TTN: variants seen among roughly 807,000 people sequenced by gnomAD.
TTN encodes the protein titin, also known as connectin.
Under a neutral mutation model 3,223.0 loss-of-function variants are expected in TTN, and 1,525 were observed. The ratio of observed to expected loss-of-function variants is 0.47; its 90% confidence interval spans 0.45 to 0.49. TTN has a LOEUF of 0.49. Ranked by LOEUF, TTN falls within the 20% of genes least tolerant of loss-of-function variation. The pLI is 0.00. For synonymous variants in TTN, 14,094 were observed against 15,161.0 expected (o/e 0.93, Z 5.17); for missense variants, 40,786 against 43,424.0 (o/e 0.94, Z 5.40).
At chr2:178,606,935 G>T in intron 278 of TTN, 86 bp downstream of exon 278, 1 of 1,442,936 alleles carries the variant, frequency 6.9e-7, no homozygotes, top group Non-Finnish European at 9.3e-7. Context: ...TGAGACTGTT[G>T]GGAGTTTGAA....
In TTN at chr2:178,728,327, A is replaced by G. The variant is rs1223390157; in HGVS notation, c.19497T>C (p.His6499=). ...KMDKVLGSSI[H]MECKVSGSLP... Reference sequence around the variant, plus strand: ...GTGAACCAGACACCTTGCACTCCATATGAATAGAAGAGCCCAGAACTTTAT... The same window carrying G: ...GTGAACCAGACACCTTGCACTCCATGTGAATAGAAGAGCCCAGAACTTTAT... The change falls in exon 67 of 363, where the codon CAT becomes CAC. Residue 6499 remains histidine, a synonymous_variant. Coordinates refer to ENST00000589042, the MANE Select transcript of TTN (RefSeq NM_001267550.2). 2.5e-6 allele frequency: 4 copies of G among 1,612,280 alleles called. No individual in the cohort carries two copies. Among genetic ancestry groups the G allele is most frequent in the Non-Finnish European group, 3.4e-6 (4 of 1,179,314 alleles).
Position 178,728,950 on chromosome 2 carries a change from G to A in TTN, c.19088C>T (p.Thr6363Ile), listed in dbSNP as rs148471999. Residue 6363 changes from threonine to isoleucine, a missense_variant, in exon 65 of 363, where the codon ACC (threonine) becomes ATC (isoleucine). Transcript: ENST00000589042. ...SVDNGHSGRYTCQAKNESGVE... is the reference protein window; with the variant it reads ...SVDNGHSGRYICQAKNESGVE... ...TCCTGACTCATTCTTGGCTTGACAGGTATATCTCCCACTGTGTCCATTATC... is the reference window on the plus strand; with the variant it reads ...TCCTGACTCATTCTTGGCTTGACAGATATATCTCCCACTGTGTCCATTATC... 1.2e-5 allele frequency: 19 copies of A among 1,612,704 alleles called. No individual in the cohort carries two copies. Among genetic ancestry groups the A allele is most frequent in the Non-Finnish European group, 1.4e-5 (17 of 1,179,378 alleles).
Position 178,734,696 on chromosome 2 carries a change from A to G in TTN, c.15217+11T>C. 1 of 1,597,200 alleles carries G rather than the reference A, an allele frequency of 6.3e-7. No homozygotes were observed. The highest frequency in any genetic ancestry group is 8.6e-7 in the Non-Finnish European group (1 of 1,169,316). ...TCAGAAAAATACTGGATGGAAACTC[A>G]GTAAACAAACCTTTGATAACTATTT... is the stretch of plus-strand genomic sequence containing the variant. On this transcript the variant is annotated intron_variant, in intron 51 of 362. Transcript: ENST00000589042.
At chr2:178,713,402 AC>A (rs2076964135) in intron 92 of TTN, 30 bp from the exon 93 acceptor site, 1 of 1,470,094 alleles carries the variant, frequency 6.8e-7, no homozygotes, top group Non-Finnish European at 9.0e-7. Flanking sequence ...ACAAAACAAA[AC>A]AAAACAAAAA....
At position 178,552,015 on chromosome 2, in the gene TTN, G is replaced by C; in HGVS notation, c.90885C>G (p.Tyr30295Ter). The C allele has an allele frequency of 6.2e-7, 1 of 1,613,040 alleles. No homozygotes were observed. The highest frequency in any genetic ancestry group is 8.5e-7 in the Non-Finnish European group (1 of 1,179,312). Residue 30295 changes from tyrosine (Y) to a stop codon, truncating the protein, a stop_gained, in exon 335 of 363, where the codon TAC (tyrosine) becomes TAG (stop). Transcript: ENST00000589042. LOFTEE classifies it high-confidence loss of function. ...KVPNLVKDAE[Y>*]QFRVRAENRY... Reference sequence around the variant, plus strand: ...TGTTTTCTGCTCTCACTCTAAACTGGTACTCAGCATCTTTGACTAGATTAG... The same window carrying C: ...TGTTTTCTGCTCTCACTCTAAACTGCTACTCAGCATCTTTGACTAGATTAG...
intron 150 of TTN, among the ~76,000 whole-genome samples, chr2:178,674,806 T>C (rs2067689143): frequency 6.6e-6 from 1 of 151,666 alleles, no homozygotes; most frequent in Non-Finnish European, 1.5e-5. Flanking sequence ...TTTCCCTTCA[T>C]GAATTCTAAT....
In TTN at chr2:178,581,887, C is replaced by T. The variant is rs1575923950; in HGVS notation, c.66463+19G>A. ...GCTGCTTTTAACACAGGATATGGAACTCGTTCATGAACACTTACACTGAGG... is the reference window on the plus strand; with the variant it reads ...GCTGCTTTTAACACAGGATATGGAATTCGTTCATGAACACTTACACTGAGG... On this transcript the variant is annotated intron_variant, in intron 315 of 362. Transcript: ENST00000589042. 6.2e-7 allele frequency: 1 copy of T among 1,611,336 alleles called. No homozygotes were observed. The highest frequency in any genetic ancestry group is 8.5e-7 in the Non-Finnish European group (1 of 1,178,982).
At chr2:178,730,021 T>TCCCCCCCCCCCCCC in intron 62 of TTN, 72 bp downstream of exon 62, 4 of 1,558,018 alleles carry the variant, frequency 2.6e-6, no homozygotes, top group Non-Finnish European at 3.5e-6. Context: ...GTCTTAAGCG[T>TCCCCCCCCCCCCCC]CCCCCGCCCC....
chr2:178,768,797 C>G lies in TTN; in HGVS notation c.9039G>C (p.Lys3013Asn). Reference sequence around the variant, plus strand: ...TGAGCTTTTTGGTTCTCATCTGGCACTTGTCAGTTGATTTGATTTCCACAC... The same window carrying G: ...TGAGCTTTTTGGTTCTCATCTGGCAGTTGTCAGTTGATTTGATTTCCACAC... ...KNGVEIKSTDKCQMRTKKLTH... is the reference protein window; with the variant it reads ...KNGVEIKSTDNCQMRTKKLTH... Residue 3013 changes from lysine to asparagine, a missense_variant, in exon 38 of 363, where the codon AAG (lysine) becomes AAC (asparagine). Coordinates refer to ENST00000589042, the MANE Select transcript of TTN (RefSeq NM_001267550.2). 1 of 1,614,042 alleles carries G rather than the reference C, an allele frequency of 6.2e-7. No individual in the cohort carries two copies. The highest frequency in any genetic ancestry group is 8.5e-7 in the Non-Finnish European group (1 of 1,179,988).
intron 263 of TTN, 52 bp from the exon 264 acceptor site, chr2:178,613,328 G>A: frequency 7.3e-7 from 1 of 1,363,136 alleles, no homozygotes; most frequent in Non-Finnish European, 1.0e-6. Flanking sequence ...AGCAGAAGAA[G>A]CCTATGTTTA....
Position 178,775,777 on chromosome 2 carries a change from T to G in TTN, c.6087A>C (p.Glu2029Asp), listed in dbSNP as rs778003583. Residue 2029 changes from glutamate (E) to aspartate (D), a missense_variant, in exon 28 of 363, where the codon GAA becomes GAC. Physicochemically the swap from Glu to Asp is conservative, Grantham distance 45. Coordinates refer to ENST00000589042, the MANE Select transcript of TTN (RefSeq NM_001267550.2). Reference protein sequence around the residue: ...KSRKKDESYEELLRKTKDELL... With the variant: ...KSRKKDESYEDLLRKTKDELL... ...GTTCATCTTTTGTCTTCCTGAGGAG[T>G]TCCTCATAGGATTCATCCTTCTTTC... 1 of 1,613,704 alleles carries G rather than the reference T, an allele frequency of 6.2e-7. No individual in the cohort carries two copies. The highest frequency in any genetic ancestry group is 2.2e-5 in the East Asian group (1 of 44,878).
chr2:178,746,647 TC>T (rs1560972418), intron 47 of TTN: 2 of 1,613,116 alleles, frequency 1.2e-6, no homozygotes, highest in Admixed American at 1.7e-5. Context: ...ACATGTACTC[TC>T]CCCCTTCTCC....
In TTN at chr2:178,570,280, T is replaced by C. The variant is rs1707685345; in HGVS notation, c.75852A>G (p.Lys25284=). 6.2e-7 allele frequency: 1 copy of C among 1,613,272 alleles called. No homozygotes were observed. The highest frequency in any genetic ancestry group is 8.5e-7 in the Non-Finnish European group (1 of 1,179,630). ...EYTFRIMAVN[K]YGVGEPLESE... ...ATTCAAGAGGTTCACCAACACCATA[T>C]TTGTTTACTGCCATTATACGGAAAG... Residue 25284 remains lysine, a synonymous_variant, in exon 326 of 363, where the codon AAA becomes AAG. Coordinates refer to ENST00000589042, the MANE Select transcript of TTN (RefSeq NM_001267550.2).
rs794727351 is a variant in TTN, at chr2:178,614,117, G to C, written c.49280C>G (p.Ala16427Gly). The C allele has an allele frequency of 1.7e-5, 28 of 1,612,370 alleles. No individual in the cohort carries two copies. Among genetic ancestry groups the C allele is most frequent in the Non-Finnish European group, 2.4e-5 (28 of 1,179,214 alleles). The change falls in exon 262 of 363, where the codon GCA (alanine) becomes GGA (glycine). Residue 16427 changes from alanine (A) to glycine (G), a missense_variant. Transcript: ENST00000589042. ...PNKEYIFRVA[A>G]ENMYGVGEPV... ...TTCACCAACACCATACATGTTTTCT[G>C]CAGCAACTCTGAAGATGTACTCTTT...
Position 178,720,451 on chromosome 2 carries a change from C to T in TTN, c.23311G>A (p.Glu7771Lys). Reference protein sequence around the residue: ...ILNLEASDVGEYHCKATNEVG... With the variant: ...ILNLEASDVGKYHCKATNEVG... ...TCATTAGTAGCTTTGCAGTGATATT[C>T]CCCGACATCGGAGGCTTCAAGATTA... is the stretch of plus-strand genomic sequence containing the variant. The change falls in exon 80 of 363, where the codon GAA (glutamate) becomes AAA (lysine). Residue 7771 changes from glutamate to lysine, a missense_variant. Physicochemically the swap from Glu to Lys is moderately conservative, Grantham distance 56. Coordinates refer to ENST00000589042, the MANE Select transcript of TTN (RefSeq NM_001267550.2). The T allele has an allele frequency of 2.5e-6, 4 of 1,613,680 alleles. No individual in the cohort carries two copies. Among genetic ancestry groups the T allele is most frequent in the East Asian group, 2.2e-5 (1 of 44,866 alleles).
Position 178,578,012 on chromosome 2 carries a change from G to C in TTN, c.68503C>G (p.Pro22835Ala), listed in dbSNP as rs750857565. 2.5e-6 allele frequency: 4 copies of C among 1,613,048 alleles called. No homozygotes were observed. The Admixed American group carries it at 6.7e-5, about 27-fold the overall frequency. Residue 22835 changes from proline to alanine, a missense_variant, in exon 322 of 363, where the codon CCT becomes GCT. Transcript: ENST00000589042. ...CCAATTGGGTCCAGTGCCACAACAG[G>C]CTCTGATGGTAGGCTTGGCTTGCCC... Reference protein sequence around the residue: ...GVGKPSLPSEPVVALDPIDPP... With the variant: ...GVGKPSLPSEAVVALDPIDPP...
intron 20 of TTN, among the ~76,000 whole-genome samples, chr2:178,781,905 AGTGTGTGTGT>A (rs139001573): frequency 2.0e-5 from 3 of 149,758 alleles, no homozygotes; most frequent in South Asian, 4.2e-4. Flanking sequence ...CTTTTCTGGA[AGTGTGTGTGT>A]GTGTGTGTGT....
At chr2:178,735,037 A>G in intron 50 of TTN, 49 bp from the exon 51 acceptor site, 1 of 1,472,682 alleles carries the variant, frequency 6.8e-7, no homozygotes, top group Non-Finnish European at 9.0e-7. Context: ...CTGAAACATA[A>G]ACTCCGCAAA....
rs762095600 is a variant in TTN at position 178,684,723 on chromosome 2, G to C, written c.32581C>G (p.Pro10861Ala). Reference sequence around the variant, plus strand: ...ACTTTTGGAGGAACCTTTTTTTCTGGAACTGGTTTCTTTGGCTCTTCTGGC... The same window carrying C: ...ACTTTTGGAGGAACCTTTTTTTCTGCAACTGGTTTCTTTGGCTCTTCTGGC... ...KVPEEPKKPV[P>A]EKKVPPKVIK... Residue 10861 changes from proline to alanine, a missense_variant, in exon 131 of 363, where the codon CCA becomes GCA. Transcript: ENST00000589042. 3.1e-6 allele frequency: 5 copies of C among 1,612,536 alleles called. No homozygotes were observed. The African/African-American group carries it at 6.7e-5, about 22-fold the overall frequency.
Sources: allele counts gnomAD v4.1 joint callset (sites outside exome capture counted in the v4.1 genomes callset), GRCh38; gene constraint gnomAD v4.1.1; transcripts MANE v1.5; gene names NCBI Gene and HGNC (gene_info 2026-07-23, HGNC 2026-07-21).